The following ELF2 variants were observed in gnomAD, a reference collection of about 807,000 sequenced individuals.
The protein encoded by ELF2 is ETS-related transcription factor Elf-2.
In ELF2, 11 loss-of-function variants were observed where a neutral mutation model predicts 54.8. The observed-to-expected ratio is 0.20, with a 90% CI of 0.13 to 0.33. The LOEUF is 0.33. ELF2 is among the 10% of genes least tolerant of loss of function. The pLI is 1.00. For synonymous variants in ELF2, 203 were observed against 245.1 expected, an observed-to-expected ratio of 0.83 and a Z score of 1.61; for missense variants, 513 against 703.0, an observed-to-expected ratio of 0.73 and a Z score of 3.06.
At chr4:139,088,589 C>T (rs1217755277) in intron 4 of ELF2, among the ~76,000 whole-genome samples, 1 of 151,986 alleles carries the variant, frequency 6.6e-6, no homozygotes, top group East Asian at 1.9e-4. Context: ...TTGTTTCTTC[C>T]TATTTCTTTT....
intron 1 of ELF2, among the ~76,000 whole-genome samples, chr4:139,149,844 G>A (rs13142467): frequency 0.11 from 16,796 of 152,158 alleles, 1,182 homozygotes; most frequent in Non-Finnish European, 0.16. Context: ...AAAATTCAAT[G>A]TATTTCCAGT....
At chr4:139,123,315 T>G (rs1159028424) in intron 4 of ELF2, among the ~76,000 whole-genome samples, 2 of 152,138 alleles carry the variant, frequency 1.3e-5, no homozygotes, top group African/African-American at 4.8e-5. Context: ...ATTTTAAAAT[T>G]ATCAAATATT....
At chr4:139,105,045 T>C (rs540784419) in intron 4 of ELF2, among the ~76,000 whole-genome samples, 2 of 152,320 alleles carry the variant, frequency 1.3e-5, no homozygotes, top group South Asian at 2.1e-4. Context: ...GGCAGTAATA[T>C]AGGTAATGTG....
At chr4:139,166,471 T>C (rs1447289720) in intron 1 of ELF2, among the ~76,000 whole-genome samples, 1 of 152,194 alleles carries the variant, frequency 6.6e-6, no homozygotes, top group South Asian at 2.1e-4. Flanking sequence ...CGCTTAAATA[T>C]ACATTTCTAA....
At chr4:139,165,625 T>C (rs1323897521) in intron 1 of ELF2, among the ~76,000 whole-genome samples, 1 of 152,114 alleles carries the variant, frequency 6.6e-6, no homozygotes, top group Non-Finnish European at 1.5e-5. Flanking sequence ...ATCGCACCAC[T>C]GCACTCCAGC....
intron 1 of ELF2, among the ~76,000 whole-genome samples, chr4:139,149,778 A>G (rs753399008): frequency 6.6e-6 from 1 of 152,244 alleles, no homozygotes; most frequent in Admixed American, 6.5e-5. Context: ...CCATGTTCAT[A>G]GGTAGGTATA....
intron 1 of ELF2, among the ~76,000 whole-genome samples, chr4:139,169,391 C>T (rs1253114387): frequency 1.3e-5 from 2 of 151,096 alleles, no homozygotes; most frequent in Non-Finnish European, 3.0e-5. Context: ...CTCATAAAGG[C>T]CACAACCCTG....
At chr4:139,091,938 CATAT>C (rs897035590) in intron 4 of ELF2, among the ~76,000 whole-genome samples, 2 of 148,140 alleles carry the variant, frequency 1.4e-5, no homozygotes, top group East Asian at 3.9e-4. Flanking sequence ...TATATATACA[CATAT>C]ATATACACAC....
chr4:139,138,180 A>T (rs556958186), intron 2 of ELF2, among the ~76,000 whole-genome samples: 1 of 152,294 alleles, frequency 6.6e-6, no homozygotes, highest in South Asian at 2.1e-4. Flanking sequence ...GCACTTTGGG[A>T]GGCCGAGGCA....
intron 7 of ELF2, among the ~76,000 whole-genome samples, chr4:139,064,044 C>G (rs148665319): frequency 1.7e-3 from 262 of 152,304 alleles, no homozygotes; most frequent in Non-Finnish European, 3.1e-3. Context: ...CGAGGTGGCT[C>G]ACGCCTGTAA....
intron 1 of ELF2, among the ~76,000 whole-genome samples, chr4:139,160,285 A>G (rs576958805): frequency 1.2e-4 from 19 of 152,322 alleles, no homozygotes; most frequent in African/African-American, 4.6e-4. Flanking sequence ...TTGCAAGCAG[A>G]CCTTTCTAAG....
At chr4:139,076,383 T>C (rs921741790) in intron 4 of ELF2, among the ~76,000 whole-genome samples, 1 of 152,098 alleles carries the variant, frequency 6.6e-6, no homozygotes, top group African/African-American at 2.4e-5. Flanking sequence ...ATAAGACATA[T>C]TATCATTCTC....
At chr4:139,122,565 T>C (rs1736489779) in intron 4 of ELF2, among the ~76,000 whole-genome samples, 1 of 152,082 alleles carries the variant, frequency 6.6e-6, no homozygotes, top group African/African-American at 2.4e-5. Flanking sequence ...GCAGTAGCAC[T>C]ATCTTGGTTC....
intron 4 of ELF2, among the ~76,000 whole-genome samples, chr4:139,089,151 T>A (rs964711805): frequency 6.6e-6 from 1 of 152,220 alleles, no homozygotes; most frequent in Non-Finnish European, 1.5e-5. Context: ...AATTTCCAAT[T>A]GTATAATAAA....
At chr4:139,115,368 C>T (rs1735572573) in intron 4 of ELF2, 2 of 1,108,632 alleles carry the variant, frequency 1.8e-6, no homozygotes, top group East Asian at 1.1e-4. Context: ...GTGCCGCTGT[C>T]CGCCATGGCG....
chr4:139,064,182 C>A (rs577519963), intron 7 of ELF2, among the ~76,000 whole-genome samples: 2 of 152,286 alleles, frequency 1.3e-5, no homozygotes, highest in Non-Finnish European at 2.9e-5. Flanking sequence ...ATGGCGGGTG[C>A]CTGTAATCCC....
intron 1 of ELF2, among the ~76,000 whole-genome samples, chr4:139,153,898 G>A (rs2046661): frequency 0.3 from 45,143 of 152,016 alleles, 6,873 homozygotes; most frequent in African/African-American, 0.35. Flanking sequence ...TGCAACATGT[G>A]GATTTAGTGA....
chr4:139,077,483 C>T (rs1730469247), intron 4 of ELF2, among the ~76,000 whole-genome samples: 1 of 152,118 alleles, frequency 6.6e-6, no homozygotes, highest in African/African-American at 2.4e-5. Flanking sequence ...ATGCAAAATA[C>T]AAAAATCTAA....
Position 139,060,451 on chromosome 4 carries a change from A to T in ELF2, c.1030T>A (p.Ser344Thr). 1 of 1,614,192 alleles carries T rather than the reference A, an allele frequency of 6.2e-7. No individual in the cohort carries two copies. The highest frequency in any genetic ancestry group is 8.5e-7 in the Non-Finnish European group (1 of 1,180,024). ...ASSVRSGKNSSPINCSRAEKG... is the reference protein window; with the variant it reads ...ASSVRSGKNSTPINCSRAEKG... ...TCTGCTCTGGAGCAGTTTATAGGGG[A>T]TGAATTTTTTCCACTGCGAACAGAG... Residue 344 changes from serine to threonine, a missense_variant, in exon 9 of 10, where the codon TCC (serine) becomes ACC (threonine). Coordinates refer to ENST00000686138, the MANE Select transcript of ELF2 (RefSeq NM_001331036.3).
Sources: allele counts gnomAD v4.1 joint callset (sites outside exome capture counted in the v4.1 genomes callset), GRCh38; gene constraint gnomAD v4.1.1; transcripts MANE v1.5; gene names NCBI Gene and HGNC (gene_info 2026-07-23, HGNC 2026-07-21).